UCKL1: variants seen among roughly 807,000 people sequenced by gnomAD.
UCKL1 encodes the protein uridine-cytidine kinase-like 1.
A neutral mutation model predicts 59.2 loss-of-function variants in UCKL1; 65 were observed. The ratio of observed to expected loss-of-function variants is 1.10; its 90% CI spans 0.90 to 1.35. The LOEUF is 1.35. Ranked by LOEUF, UCKL1 falls within the 40% of genes most tolerant of loss-of-function variation. The pLI is 0.00. For synonymous variants in UCKL1, 410 were observed against 323.1 expected (o/e 1.27, Z -2.88); for missense variants, 703 against 784.3 (o/e 0.90, Z 1.24).
intron 1 of UCKL1, among the ~76,000 whole-genome samples, chr20:63,947,315 G>A (rs2056509409): frequency 6.6e-6 from 1 of 152,260 alleles, no homozygotes; most frequent in Admixed American, 6.5e-5. Flanking sequence ...AGGTGGGCCT[G>A]TGAAAGGCAG....
intron 1 of UCKL1, among the ~76,000 whole-genome samples, chr20:63,950,356 C>G (rs937845796): frequency 6.6e-6 from 1 of 152,204 alleles, no homozygotes; most frequent in African/African-American, 2.4e-5. Flanking sequence ...GGGAGGACTG[C>G]TTGAGGTCAG....
At position 63,945,914 on chromosome 20, in the gene UCKL1, T is replaced by C. The variant is rs753205390; in HGVS notation, c.473A>G (p.Asp158Gly). The change falls in exon 4 of 15, where the codon GAT becomes GGT. Residue 158 changes from aspartate to glycine, a missense_variant. Coordinates refer to ENST00000354216, the MANE Select transcript of UCKL1 (RefSeq NM_017859.4). ...AATGATGAGGTCGAAGTCAAAGGCA[T>C]CTGGGTGGTCGAAGTTGAAGTTGTT... ...AHNNFNFDHPDAFDFDLIIST... is the reference protein window; with the variant it reads ...AHNNFNFDHPGAFDFDLIIST... 6.2e-7 allele frequency: 1 copy of C among 1,613,858 alleles called. No homozygotes were observed. The highest frequency in any genetic ancestry group is 2.2e-5 in the East Asian group (1 of 44,876).
chr20:63,951,046 G>T, intron 1 of UCKL1: 1 of 1,223,440 alleles, frequency 8.2e-7, no homozygotes, highest in Non-Finnish European at 1.0e-6. Context: ...GCTGGGGTGA[G>T]ACCCTTGGCT....
chr20:63,940,786 GC>G lies in UCKL1; in HGVS notation c.1179+7del. The G allele has an allele frequency of 6.3e-7, 1 of 1,593,754 alleles. No individual in the cohort carries two copies. On this transcript the variant is annotated splice_region_variant and intron_variant, in intron 11 of 14. Coordinates refer to ENST00000354216, the MANE Select transcript of UCKL1 (RefSeq NM_017859.4). The stretch of plus-strand genomic sequence containing the variant: ...CTGTCCCGCGCCCAGGTGTGCCCAG[GC>G]AGGTACCTGCTTCCCCGCATAGCAC...
rs1304326764 is a variant in UCKL1, at chr20:63,945,804, C to T, written c.582+1G>A. ...GCCCCCTCTGCAGGGCCCTGGCCTA[C>T]CCAGTCCTTCTTCCGGCTGTGCGTG... On this transcript the variant is annotated splice_donor_variant, in intron 4 of 14. Coordinates refer to ENST00000354216, the MANE Select transcript of UCKL1 (RefSeq NM_017859.4). LOFTEE classifies it high-confidence loss of function. 6.2e-7 allele frequency: 1 copy of T among 1,613,582 alleles called. No individual in the cohort carries two copies.
rs746645890 is a variant in UCKL1, at chr20:63,946,499, G to C, written c.258C>G (p.Pro86=). ...ATTGCGTGCCGTGTTCATTGTACCA[G>C]GGCGGCCGCCCGGCGGTGTAGATGG... ...KRTIYTAGRP[P]WYNEHGTQSK... Residue 86 remains proline (P), a synonymous_variant, in exon 2 of 15, where the codon CCC becomes CCG. Coordinates refer to ENST00000354216, the MANE Select transcript of UCKL1 (RefSeq NM_017859.4). 1.3e-6 allele frequency: 2 copies of C among 1,589,798 alleles called. No homozygotes were observed. The highest frequency in any genetic ancestry group is 2.3e-5 in the South Asian group (2 of 87,404).
intron 1 of UCKL1, among the ~76,000 whole-genome samples, chr20:63,953,022 G>T (rs2057927048): frequency 6.6e-6 from 1 of 152,242 alleles, no homozygotes; most frequent in Non-Finnish European, 1.5e-5. Context: ...GGCCGAGGCG[G>T]GCGGATCACC....
chr20:63,951,009 G>A, intron 1 of UCKL1: 1 of 1,281,620 alleles, frequency 7.8e-7, no homozygotes, highest in Non-Finnish European at 9.9e-7. Flanking sequence ...ACTCCTGTGG[G>A]CAGCACAGTG....
chr20:63,947,739 C>G (rs1230072737), intron 1 of UCKL1, among the ~76,000 whole-genome samples: 1 of 152,266 alleles, frequency 6.6e-6, no homozygotes, highest in Non-Finnish European at 1.5e-5. Context: ...GTGCTGCCAC[C>G]TGTCTGGGCT....
chr20:63,943,855 C>T (rs1458175544), intron 7 of UCKL1, among the ~76,000 whole-genome samples, 186 bp from the exon 8 acceptor site: 8 of 152,160 alleles, frequency 5.3e-5, no homozygotes, highest in Non-Finnish European at 7.4e-5. Flanking sequence ...TGCAGTTCTG[C>T]GTTGGGGCAA....
intron 8 of UCKL1, chr20:63,942,617 G>T: frequency 1.6e-6 from 1 of 629,908 alleles, no homozygotes; most frequent in East Asian, 6.5e-5. Context: ...CAGGCCTGAG[G>T]AGGAGTGTGG....
At chr20:63,945,757 C>T in intron 4 of UCKL1, 35 bp from the exon 5 acceptor site, 1 of 1,612,786 alleles carries the variant, frequency 6.2e-7, no homozygotes, top group Non-Finnish European at 8.5e-7. Flanking sequence ...GAGCCTGGCT[C>T]ATGTGCCTGC....
At chr20:63,956,129 G>A in intron 1 of UCKL1, 131 bp downstream of exon 1, 3 of 893,168 alleles carry the variant, frequency 3.4e-6, no homozygotes, top group Non-Finnish European at 4.7e-6. Flanking sequence ...GTGGGAGAAC[G>A]GGGCGCCGCC....
chr20:63,949,389 C>T (rs1296329068), intron 1 of UCKL1, among the ~76,000 whole-genome samples: 2 of 152,172 alleles, frequency 1.3e-5, no homozygotes, highest in Admixed American at 6.5e-5. Flanking sequence ...GGAATGGGAC[C>T]TGCACCCCAC....
chr20:63,942,425 C>T (rs886649105), intron 8 of UCKL1: 19 of 1,169,936 alleles, frequency 1.6e-5, no homozygotes, highest in Middle Eastern at 7.8e-4. Flanking sequence ...CAAGGGGCTA[C>T]GGGAAGGCGG....
At chr20:63,945,779 G>GC (rs774311227) in intron 4 of UCKL1, 26 bp downstream of exon 4, 3 of 1,612,776 alleles carry the variant, frequency 1.9e-6, no homozygotes, top group East Asian at 2.2e-5. Flanking sequence ...GCCCCCCGAG[G>GC]CCCCCTCTGC....
intron 1 of UCKL1, among the ~76,000 whole-genome samples, 154 bp from the exon 2 acceptor site, chr20:63,946,797 G>GC (rs2056361566): frequency 6.6e-6 from 1 of 152,172 alleles, no homozygotes; most frequent in Non-Finnish European, 1.5e-5. Flanking sequence ...CTCTGCCTGG[G>GC]CTGGGCGTGG....
At chr20:63,946,043 G>T (rs2056094751) in intron 3 of UCKL1, 68 bp from the exon 4 acceptor site, 2 of 1,610,412 alleles carry the variant, frequency 1.2e-6, no homozygotes, top group African/African-American at 2.7e-5. Context: ...GCGGACAGGG[G>T]CTCTAGGCCT....
chr20:63,949,202 G>T (rs528736950), intron 1 of UCKL1, among the ~76,000 whole-genome samples: 1 of 152,172 alleles, frequency 6.6e-6, no homozygotes, highest in Non-Finnish European at 1.5e-5. Flanking sequence ...CCTCGGCTCC[G>T]GAGATCGTTC....
Sources: allele counts gnomAD v4.1 joint callset (sites outside exome capture counted in the v4.1 genomes callset), GRCh38; gene constraint gnomAD v4.1.1; transcripts MANE v1.5; gene names NCBI Gene and HGNC (gene_info 2026-07-23, HGNC 2026-07-21).